EPHA6: variants seen among roughly 807,000 people sequenced by gnomAD.
EPHA6 encodes the protein EPH receptor A6, also known as ephrin type-A receptor 6.
A neutral mutation model predicts 112.0 loss-of-function variants in EPHA6; 50 were observed. The observed-to-expected ratio is 0.45, with a 90% CI of 0.36 to 0.56. EPHA6 has a LOEUF of 0.56. Among genes scored for constraint, EPHA6 ranks in the 20% least tolerant of loss-of-function variants. The pLI, the probability that EPHA6 is intolerant of heterozygous loss-of-function variation, is 0.00. For missense variants in EPHA6, 1,280 were observed against 1,417.4 expected (o/e 0.90, Z 1.56); for synonymous variants, 529 against 490.7 (o/e 1.08, Z -1.03).
At chr3:97,142,287 T>C (rs1325489998) in intron 3 of EPHA6, among the ~76,000 whole-genome samples, 2 of 152,000 alleles carry the variant, frequency 1.3e-5, no homozygotes, top group Non-Finnish European at 2.9e-5. Context: ...TATTTTCACA[T>C]TAAAAATCTG....
At chr3:97,069,321 C>T (rs1043832967) in intron 3 of EPHA6, among the ~76,000 whole-genome samples, 4 of 152,054 alleles carry the variant, frequency 2.6e-5, no homozygotes, top group African/African-American at 7.2e-5. Context: ...CGTTCTTCAT[C>T]CTTATTGTCC....
intron 3 of EPHA6, among the ~76,000 whole-genome samples, chr3:97,099,311 GT>G (rs937378143): frequency 6.6e-6 from 1 of 151,790 alleles, no homozygotes; most frequent in African/African-American, 2.4e-5. Flanking sequence ...ATTAGGAAAT[GT>G]TTTGTGACTC....
At chr3:97,124,377 G>A (rs1185375727) in intron 3 of EPHA6, among the ~76,000 whole-genome samples, 1 of 151,594 alleles carries the variant, frequency 6.6e-6, no homozygotes, top group East Asian at 1.9e-4. Context: ...TAAGGATTTT[G>A]CATTTTTAAA....
rs909166199 is a variant in EPHA6, at chr3:97,750,101, G to A, written c.*1400G>A. On this transcript the variant is annotated 3_prime_UTR_variant, in exon 18 of 18. Transcript: ENST00000389672. ...AACAAATTAAATTATAAAATCAGCT[G>A]CTCCCTGTAAAACTAAAAAAATGAC... Among the ~76,000 whole-genome samples, 1 of 152,020 alleles carries A rather than the reference G, an allele frequency of 6.6e-6. No individual in the cohort carries two copies. The highest frequency in any genetic ancestry group is 1.5e-5 in the Non-Finnish European group (1 of 67,988).
At chr3:97,644,729 C>A (rs532561552) in intron 14 of EPHA6, among the ~76,000 whole-genome samples, 1 of 150,642 alleles carries the variant, frequency 6.6e-6, no homozygotes, top group East Asian at 2.0e-4. Context: ...TCTCCCAAGA[C>A]TAAACCAGGA....
intron 15 of EPHA6, among the ~76,000 whole-genome samples, chr3:97,724,380 A>G (rs1263747102): frequency 2.0e-5 from 3 of 152,178 alleles, no homozygotes; most frequent in Non-Finnish European, 4.4e-5. Context: ...ACAAAATATA[A>G]TAGCAGGTAC....
At chr3:97,653,054 G>T (rs558495440) in intron 14 of EPHA6, among the ~76,000 whole-genome samples, 1 of 151,988 alleles carries the variant, frequency 6.6e-6, no homozygotes, top group Admixed American at 6.6e-5. Context: ...TTAGTTTGGG[G>T]CCCCAATAAT....
At chr3:97,595,902 CTTTTT>C (rs1198606431) in intron 12 of EPHA6, among the ~76,000 whole-genome samples, 1 of 115,026 alleles carries the variant, frequency 8.7e-6, no homozygotes. Context: ...GACATATTCT[CTTTTT>C]TTTTTTTTTT....
chr3:96,965,446 T>C, intron 2 of EPHA6, among the ~76,000 whole-genome samples: 1 of 152,252 alleles, frequency 6.6e-6, no homozygotes, highest in Non-Finnish European at 1.5e-5. Flanking sequence ...AATCTTCTCA[T>C]ATACTTGTTA....
intron 7 of EPHA6, among the ~76,000 whole-genome samples, chr3:97,472,757 A>G (rs983341070): frequency 1.3e-5 from 2 of 151,884 alleles, no homozygotes; most frequent in East Asian, 3.9e-4. Flanking sequence ...TTAATTCAAC[A>G]TTATCATTTT....
At chr3:97,349,252 A>G (rs1189653383) in intron 5 of EPHA6, among the ~76,000 whole-genome samples, 1 of 152,072 alleles carries the variant, frequency 6.6e-6, no homozygotes, top group Non-Finnish European at 1.5e-5. Context: ...TTTTTTGATC[A>G]GGATTTTAGT....
At chr3:97,418,736 A>G (rs2088346082) in intron 6 of EPHA6, among the ~76,000 whole-genome samples, 1 of 152,228 alleles carries the variant, frequency 6.6e-6, no homozygotes, top group Non-Finnish European at 1.5e-5. Context: ...CAAGATGTGA[A>G]TAAATAAAAT....
chr3:97,342,997 G>T (rs1258654915), intron 5 of EPHA6, among the ~76,000 whole-genome samples: 1 of 152,152 alleles, frequency 6.6e-6, no homozygotes, highest in Non-Finnish European at 1.5e-5. Context: ...TTTGGAATTG[G>T]GTAATGGGTA....
chr3:97,257,610 A>G (rs1282719459), intron 5 of EPHA6, among the ~76,000 whole-genome samples: 1 of 152,058 alleles, frequency 6.6e-6, no homozygotes, highest in Non-Finnish European at 1.5e-5. Context: ...CTATAAAATT[A>G]CATGGTATTG....
chr3:97,652,396 C>T (rs2094113203), intron 14 of EPHA6, among the ~76,000 whole-genome samples: 1 of 152,050 alleles, frequency 6.6e-6, no homozygotes, highest in Admixed American at 6.6e-5. Flanking sequence ...TTATTTCTTC[C>T]TGGCTAATGA....
chr3:97,104,657 C>T (rs776456736), intron 3 of EPHA6, among the ~76,000 whole-genome samples: 1 of 152,012 alleles, frequency 6.6e-6, no homozygotes, highest in Non-Finnish European at 1.5e-5. Context: ...ATGCTGGCCT[C>T]ATTGAATTAG....
At chr3:97,449,059 CAA>C (rs1256936009) in intron 7 of EPHA6, among the ~76,000 whole-genome samples, 1 of 152,014 alleles carries the variant, frequency 6.6e-6, no homozygotes, top group African/African-American at 2.4e-5. Context: ...AAGCCGTGAA[CAA>C]ATGGTTTAAG....
At chr3:96,861,947 A>G (rs547642062) in intron 1 of EPHA6, among the ~76,000 whole-genome samples, 1 of 152,020 alleles carries the variant, frequency 6.6e-6, no homozygotes, top group East Asian at 1.9e-4. Flanking sequence ...GATTTTTTTC[A>G]GAATTAAATA....
In EPHA6 at chr3:97,012,425, A is replaced by G. The variant is rs2107947225; in HGVS notation, c.1114+24432A>G. 2.0e-5 allele frequency among the ~76,000 whole-genome samples: 3 copies of G among 151,214 alleles called. 1 individual carries two copies. In the East Asian group the frequency reaches 5.8e-4, roughly 29 times the overall value. ...TTGACATCTCCGACTCTGGGCTCAG[A>G]TGATCCTCCCATCTCAGCCTCCATG... On this transcript the variant is annotated intron_variant, in intron 3 of 17. Transcript: ENST00000389672.
Sources: gnomAD v4.1 joint callset for allele counts (sites outside exome capture counted in the v4.1 genomes callset) on GRCh38, gnomAD v4.1.1 for gene constraint, MANE v1.5 for transcripts, NCBI Gene and HGNC (gene_info 2026-07-23, HGNC 2026-07-21) for gene names.